CSMD1: variants seen among roughly 807,000 people sequenced by gnomAD.
CSMD1 encodes CUB and sushi domain-containing protein 1.
In CSMD1, 213 loss-of-function variants were observed where a neutral mutation model predicts 417.5. The observed-to-expected ratio is 0.51, with a 90% CI of 0.46 to 0.57. The LOEUF (loss-of-function observed/expected upper bound fraction) is 0.57. Among genes scored for constraint, CSMD1 ranks in the 20% least tolerant of loss-of-function variants. CSMD1 has a pLI of 0.00. For missense variants in CSMD1, 6,923 were observed against 4,529.7 expected (o/e 1.53, Z -15.17); for synonymous variants, 2,862 against 1,736.8 (o/e 1.65, Z -16.11).
intron 50 of CSMD1, among the ~76,000 whole-genome samples, chr8:3,035,083 A>G (rs1274830947): frequency 6.6e-6 from 1 of 152,166 alleles, no homozygotes; most frequent in Non-Finnish European, 1.5e-5. Context: ...AACACGAAAC[A>G]GCCTGAGTAC....
intron 42 of CSMD1, among the ~76,000 whole-genome samples, 163 bp downstream of exon 42, chr8:3,118,236 G>A (rs1378818472): frequency 6.6e-6 from 1 of 152,090 alleles, no homozygotes; most frequent in South Asian, 2.1e-4. Context: ...AACAGCATGC[G>A]ACATATTCCT....
rs1180585684 is a variant in CSMD1 at position 3,399,421 on chromosome 8, G to T, written c.2375C>A (p.Pro792Gln). 1.2e-6 allele frequency: 2 copies of T among 1,605,950 alleles called. No individual in the cohort carries two copies. ...LHCEWIIEAK[P>Q]GHSIKITFDR... ...AAAAGTTATTTTGATAGAGTGGCCT[G>T]GTTTTGCTTCAATTATCCATTCACA... Residue 792 changes from proline (P) to glutamine (Q), a missense_variant, in exon 16 of 70, where the codon CCA becomes CAA. Pro to Gln is a moderately conservative substitution (Grantham distance 76, BLOSUM62 -1). Coordinates refer to ENST00000635120, the MANE Select transcript of CSMD1 (RefSeq NM_033225.6).
At chr8:3,524,092 C>G (rs111205000) in intron 10 of CSMD1, among the ~76,000 whole-genome samples, 2 of 151,228 alleles carry the variant, frequency 1.3e-5, no homozygotes, top group African/African-American at 2.4e-5. Flanking sequence ...CACACGCATG[C>G]ACACCCAGAG....
intron 2 of CSMD1, among the ~76,000 whole-genome samples, chr8:4,600,724 G>A (rs1456225132): frequency 2.0e-5 from 3 of 152,286 alleles, no homozygotes; most frequent in East Asian, 3.9e-4. Flanking sequence ...CAGAAAGACA[G>A]AGGGTGTAAA....
rs35278840 is a variant in CSMD1 at position 3,892,968 on chromosome 8, TA to T, written c.818+104934del. On this transcript the variant is annotated intron_variant, in intron 5 of 69. Coordinates refer to ENST00000635120, the MANE Select transcript of CSMD1 (RefSeq NM_033225.6). ...GTTTTCTCAAGTCTGACCACAGTGATAAAAAAAAAATATGACATAACAATCA... is the reference window on the plus strand; with the variant it reads ...GTTTTCTCAAGTCTGACCACAGTGATAAAAAAAAATATGACATAACAATCA... Among the ~76,000 whole-genome samples, 453 of 148,756 alleles carry T rather than the reference TA, an allele frequency of 3.0e-3. 5 individuals carry two copies. Among genetic ancestry groups the T allele is most frequent in the East Asian group, 0.028 (143 of 5,024 alleles).
chr8:4,946,992 G>C (rs538889894), intron 1 of CSMD1, among the ~76,000 whole-genome samples: 1 of 152,134 alleles, frequency 6.6e-6, no homozygotes, highest in African/African-American at 2.4e-5. Flanking sequence ...ATCAATGTCT[G>C]TAATCCAAAT....
intron 2 of CSMD1, among the ~76,000 whole-genome samples, chr8:4,487,223 C>T (rs971970767): frequency 2.0e-5 from 3 of 151,938 alleles, no homozygotes; most frequent in Non-Finnish European, 4.4e-5. Context: ...GCACAATGTG[C>T]CGGTTTGTTA....
intron 41 of CSMD1, among the ~76,000 whole-genome samples, chr8:3,120,706 G>GGC (rs1554431371): frequency 3.4e-5 from 5 of 147,442 alleles, no homozygotes; most frequent in South Asian, 2.2e-4. Flanking sequence ...AATTAGCCAG[G>GGC]GGGGGTGACC....
At chr8:3,719,844 G>A (rs1362023493) in intron 6 of CSMD1, among the ~76,000 whole-genome samples, 1 of 152,152 alleles carries the variant, frequency 6.6e-6, no homozygotes, top group Non-Finnish European at 1.5e-5. Context: ...TGGGGATTTT[G>A]AAGTTAGTTG....
intron 1 of CSMD1, among the ~76,000 whole-genome samples, chr8:4,893,906 G>A (rs1804297734): frequency 6.6e-6 from 1 of 152,016 alleles, no homozygotes; most frequent in African/African-American, 2.4e-5. Flanking sequence ...AAGGGGGCGG[G>A]GCAATGTCTT....
intron 2 of CSMD1, among the ~76,000 whole-genome samples, chr8:4,548,184 T>C (rs867699583): frequency 6.6e-6 from 1 of 152,198 alleles, no homozygotes; most frequent in Admixed American, 6.5e-5. Flanking sequence ...GAGCTTATGT[T>C]GGGCCTAACA....
Position 3,795,209 on chromosome 8 carries a change from T to C in CSMD1, c.819-41167A>G, listed in dbSNP as rs62479734. On this transcript the variant is annotated intron_variant, in intron 5 of 69. Coordinates refer to ENST00000635120, the MANE Select transcript of CSMD1 (RefSeq NM_033225.6). ...GATACCTATCATGTACAGATATAGA[T>C]ACCTATCATGTACAGATATAGATAT... 8.5e-3 allele frequency among the ~76,000 whole-genome samples: 510 copies of C among 60,258 alleles called. 68 individuals are homozygous for C. Among genetic ancestry groups the C allele is most frequent in the Admixed American group, 0.011 (47 of 4,352 alleles). 39.5% of individuals were successfully genotyped at this position (60,258 alleles called of 152,430 possible).
At chr8:4,077,230 T>C (rs113477283) in intron 3 of CSMD1, among the ~76,000 whole-genome samples, 2,425 of 148,516 alleles carry the variant, frequency 0.016, 70 homozygotes, top group African/African-American at 0.058. Flanking sequence ...GAATTTCAGC[T>C]ACTCCATTTC....
chr8:3,571,555 C>A (rs778958351), intron 10 of CSMD1, among the ~76,000 whole-genome samples: 32 of 152,108 alleles, frequency 2.1e-4, no homozygotes, highest in Non-Finnish European at 3.8e-4. Context: ...ACGGCGTCAT[C>A]TCTCTCTCTC....
intron 3 of CSMD1, among the ~76,000 whole-genome samples, chr8:4,335,418 AAC>A (rs1425065971): frequency 6.6e-6 from 1 of 152,096 alleles, no homozygotes; most frequent in Non-Finnish European, 1.5e-5. Flanking sequence ...CTCTTTCTGA[AAC>A]ACACCAGAAA....
At chr8:4,509,461 G>A (rs749899444) in intron 2 of CSMD1, among the ~76,000 whole-genome samples, 1 of 152,162 alleles carries the variant, frequency 6.6e-6, no homozygotes, top group Non-Finnish European at 1.5e-5. Context: ...GTTCCAGCAA[G>A]AGCAGTAAAC....
intron 7 of CSMD1, among the ~76,000 whole-genome samples, chr8:3,675,137 T>C (rs1406308289): frequency 6.6e-6 from 1 of 152,182 alleles, no homozygotes; most frequent in Non-Finnish European, 1.5e-5. Flanking sequence ...TTTCCCATCA[T>C]GGCTCAAGTG....
chr8:4,709,481 G>A (rs560073823), intron 1 of CSMD1, among the ~76,000 whole-genome samples: 6 of 152,324 alleles, frequency 3.9e-5, no homozygotes, highest in East Asian at 1.9e-4. Context: ...GTAAGGAACA[G>A]GGGGAGCCTC....
rs761091410 is a variant in CSMD1 at position 3,308,443 on chromosome 8, T to C, written c.3692A>G (p.Asp1231Gly). 2 of 1,613,824 alleles carry C rather than the reference T, an allele frequency of 1.2e-6. No individual in the cohort carries two copies. Among genetic ancestry groups the C allele is most frequent in the Admixed American group, 1.7e-5 (1 of 60,012 alleles). Residue 1231 changes from aspartate to glycine, a missense_variant, in exon 24 of 70, where the codon GAT (aspartate) becomes GGT (glycine). Physicochemically the swap from Asp to Gly is moderately conservative, Grantham distance 94 (BLOSUM62 -1). Transcript: ENST00000635120. ...GIPNYGYRIR[D>G]EGHFTDTVVL... Reference sequence around the variant, plus strand: ...TACAGTGTCGGTAAAGTGGCCTTCATCACGGATCCTATAGCCGTAGTTAGG... The same window carrying C: ...TACAGTGTCGGTAAAGTGGCCTTCACCACGGATCCTATAGCCGTAGTTAGG...
Sources: allele counts gnomAD v4.1 joint callset (sites outside exome capture counted in the v4.1 genomes callset), GRCh38; gene constraint gnomAD v4.1.1; transcripts MANE v1.5; gene names NCBI Gene and HGNC (gene_info 2026-07-23, HGNC 2026-07-21).